Variants in RETREG1 observed in about 807,000 individuals in gnomAD.
RETREG1 encodes family with sequence similarity 134 member B.
RETREG1 carries 44 observed loss-of-function variants against 54.8 expected under a neutral mutation model. The observed-to-expected ratio is 0.80, with a 90% CI of 0.63 to 1.03. The LOEUF (loss-of-function observed/expected upper bound fraction) is 1.03. Ranked by LOEUF, RETREG1 falls within the 50% of genes least tolerant of loss-of-function variation. The pLI, the probability that RETREG1 is intolerant of heterozygous loss-of-function variation, is 0.00. For missense variants in RETREG1, 554 were observed against 605.1 expected (o/e 0.92, Z 0.89); for synonymous variants, 217 against 238.5 (o/e 0.91, Z 0.83).
intron 3 of RETREG1, among the ~76,000 whole-genome samples, chr5:16,516,604 T>C (rs967137587): frequency 6.6e-6 from 1 of 152,210 alleles, no homozygotes; most frequent in Admixed American, 6.5e-5. Flanking sequence ...AATTATCACC[T>C]TGAAGCCAGG....
At chr5:16,568,093 G>C (rs563548300) in intron 2 of RETREG1, among the ~76,000 whole-genome samples, 3 of 152,160 alleles carry the variant, frequency 2.0e-5, no homozygotes, top group African/African-American at 7.2e-5. Context: ...CCATAGAAGA[G>C]TTCCCCAGAG....
chr5:16,613,424 C>T (rs1379680320), intron 1 of RETREG1, among the ~76,000 whole-genome samples: 1 of 152,148 alleles, frequency 6.6e-6, no homozygotes, highest in Non-Finnish European at 1.5e-5. Flanking sequence ...CACAATACCA[C>T]GTTCCCCAAA....
intron 3 of RETREG1, among the ~76,000 whole-genome samples, chr5:16,525,426 A>G (rs1490025101): frequency 1.3e-5 from 2 of 152,136 alleles, no homozygotes; most frequent in African/African-American, 4.8e-5. Flanking sequence ...TCATGTGAGG[A>G]GATGGACAGG....
chr5:16,586,385 G>T (rs985438304), intron 1 of RETREG1, among the ~76,000 whole-genome samples: 1 of 152,102 alleles, frequency 6.6e-6, no homozygotes, highest in Non-Finnish European at 1.5e-5. Context: ...CCTCTGCCTC[G>T]GTATTTTCAT....
At chr5:16,514,469 T>C (rs1740281363) in intron 3 of RETREG1, among the ~76,000 whole-genome samples, 1 of 152,198 alleles carries the variant, frequency 6.6e-6, no homozygotes, top group African/African-American at 2.4e-5. Context: ...CTTCAGTATA[T>C]TCCGTGTTAT....
intron 3 of RETREG1, among the ~76,000 whole-genome samples, chr5:16,550,163 A>T (rs1050127602): frequency 9.9e-5 from 15 of 152,074 alleles, no homozygotes; most frequent in Admixed American, 9.8e-4. Flanking sequence ...ATACTACACC[A>T]TGACACCCCA....
chr5:16,497,541 G>A (rs926994266), intron 3 of RETREG1, among the ~76,000 whole-genome samples: 18 of 152,202 alleles, frequency 1.2e-4, no homozygotes, highest in African/African-American at 3.1e-4. Context: ...GGGTAAAGTC[G>A]CCAAGGTCAT....
intron 3 of RETREG1, among the ~76,000 whole-genome samples, chr5:16,489,995 T>A (rs908769808): frequency 6.6e-6 from 1 of 152,254 alleles, no homozygotes; most frequent in African/African-American, 2.4e-5. Context: ...ATTTTTAATA[T>A]ATCAAAGCTA....
rs1283019145 is a variant in RETREG1 at position 16,474,192 on chromosome 5, T to G, written c.*549A>C. The G allele has an allele frequency of 6.4e-6, 1 of 157,258 alleles. No individual in the cohort carries two copies. Among genetic ancestry groups the G allele is most frequent in the Non-Finnish European group, 1.4e-5 (1 of 71,856 alleles). The allele number at this position is 157,258 out of a possible 1,614,324, so 9.7% of individuals were successfully genotyped here. A position where few individuals can be genotyped will look rare whatever the true frequency, so the allele number is the denominator to read the frequency against. On this transcript the variant is annotated 3_prime_UTR_variant, in exon 9 of 9. Transcript: ENST00000306320. ...GTACTTAAATATACTTTTAAATTTT[T>G]TCCTAAGAAATTAATTTTGATAGTA...
intron 4 of RETREG1, 85 bp downstream of exon 4, chr5:16,483,261 T>C: frequency 1.4e-6 from 2 of 1,469,724 alleles, no homozygotes; most frequent in African/African-American, 1.4e-5. Flanking sequence ...ATTGGAGAAA[T>C]CTGACAAGCT....
At position 16,511,483 on chromosome 5, in the gene RETREG1, T is replaced by A. The variant is rs150757995; in HGVS notation, c.459-28011A>T. On this transcript the variant is annotated intron_variant, in intron 3 of 8. Transcript: ENST00000306320. ...TACAATATTTTCAACTTAGGATGGG[T>A]TTCTCAGGCTATAACCCCACAGTAG... Among the ~76,000 whole-genome samples the A allele has an allele frequency of 2.0e-5, 3 of 152,208 alleles. No homozygotes were observed. In the East Asian group the frequency reaches 5.8e-4, roughly 29 times the overall value.
chr5:16,548,317 G>A (rs1741442721), intron 3 of RETREG1, among the ~76,000 whole-genome samples: 2 of 152,110 alleles, frequency 1.3e-5, no homozygotes, highest in African/African-American at 4.8e-5. Flanking sequence ...AAATGTACCT[G>A]AGTTACTGGG....
At chr5:16,610,217 G>A (rs1743299316) in intron 1 of RETREG1, among the ~76,000 whole-genome samples, 1 of 152,202 alleles carries the variant, frequency 6.6e-6, no homozygotes, top group South Asian at 2.1e-4. Flanking sequence ...CTGGCATTCA[G>A]GACTGCCTGG....
At position 16,596,157 on chromosome 5, in the gene RETREG1, T is replaced by C. The variant is rs25865; in HGVS notation, c.320+20495A>G. Among the ~76,000 whole-genome samples, 552 of 152,348 alleles carry C rather than the reference T, an allele frequency of 3.6e-3. 2 individuals carry two copies. The highest frequency in any genetic ancestry group is 6.5e-3 in the Admixed American group (100 of 15,302). ...TTTCCTCTCCTTTCATTTCATCATATGGATGCCTTCTTTTGAAAGGTTTTA... is the reference window on the plus strand; with the variant it reads ...TTTCCTCTCCTTTCATTTCATCATACGGATGCCTTCTTTTGAAAGGTTTTA... On this transcript the variant is annotated intron_variant, in intron 1 of 8. Coordinates refer to ENST00000306320, the MANE Select transcript of RETREG1 (RefSeq NM_001034850.3).
At chr5:16,612,983 C>T (rs1743390041) in intron 1 of RETREG1, among the ~76,000 whole-genome samples, 1 of 152,144 alleles carries the variant, frequency 6.6e-6, no homozygotes, top group African/African-American at 2.4e-5. Context: ...TAAAATTCAT[C>T]CCTGTTGTTG....
chr5:16,584,597 T>C (rs1742576920), intron 1 of RETREG1, among the ~76,000 whole-genome samples: 1 of 152,214 alleles, frequency 6.6e-6, no homozygotes. Context: ...GATAATTATC[T>C]TCTCAAGAGT....
At chr5:16,492,229 T>TTTCTCTCACA (rs1554016405) in intron 3 of RETREG1, among the ~76,000 whole-genome samples, 1 of 110,570 alleles carries the variant, frequency 9.0e-6, no homozygotes, top group Non-Finnish European at 2.0e-5. Flanking sequence ...TCTCTCTCTC[T>TTTCTCTCACA]CACACACACA....
intron 3 of RETREG1, among the ~76,000 whole-genome samples, chr5:16,551,121 A>C (rs1014398884): frequency 7.6e-6 from 1 of 131,388 alleles, no homozygotes; most frequent in African/African-American, 2.5e-5. Context: ...AACAAAAGCC[A>C]TGCTACTCTT....
At chr5:16,492,018 G>T (rs1389147314) in intron 3 of RETREG1, among the ~76,000 whole-genome samples, 2 of 152,144 alleles carry the variant, frequency 1.3e-5, no homozygotes, top group African/African-American at 4.8e-5. Context: ...ATCTCCTGCG[G>T]GCACTGTTCC....
Sources: allele counts gnomAD v4.1 joint callset (sites outside exome capture counted in the v4.1 genomes callset), GRCh38; gene constraint gnomAD v4.1.1; transcripts MANE v1.5; gene names NCBI Gene and HGNC (gene_info 2026-07-23, HGNC 2026-07-21).